ZNF814: variants seen among roughly 807,000 people sequenced by gnomAD.
The protein encoded by ZNF814 is zinc finger protein 814.
ZNF814 carries 5 observed loss-of-function variants against 7.5 expected under a neutral mutation model. The observed-to-expected ratio is 0.67, with a 90% confidence interval of 0.35 to 1.40. The LOEUF (loss-of-function observed/expected upper bound fraction) is 1.40. Ranked by LOEUF, ZNF814 falls within the 40% of genes most tolerant of loss-of-function variation. The probability of loss-of-function intolerance (pLI) is 0.04; values close to 1 mark genes in which losing one functional copy is unlikely to be tolerated. For missense variants in ZNF814, 962 were observed against 1,018.0 expected (o/e 0.94, Z 0.75); for synonymous variants, 315 against 340.7 (o/e 0.92, Z 0.83).
intron 1 of ZNF814, among the ~76,000 whole-genome samples, chr19:57,883,524 G>A (rs1372641620): frequency 6.6e-6 from 1 of 151,672 alleles, no homozygotes; most frequent in Non-Finnish European, 1.5e-5. Context: ...AGCCGGATGT[G>A]GTAGTGCACA....
chr19:57,878,080 C>T (rs59237326), intron 1 of ZNF814, among the ~76,000 whole-genome samples: 1 of 148,900 alleles, frequency 6.7e-6, no homozygotes, highest in Non-Finnish European at 1.5e-5. Context: ...GCAGGAGAAT[C>T]GCTTGAACCC....
chr19:57,901,244 T>C, the ZNF814 span, among the ~76,000 whole-genome samples: 1 of 152,118 alleles, frequency 6.6e-6, no homozygotes, highest in African/African-American at 2.4e-5. Flanking sequence ...ACTTAAAAAC[T>C]CAGTTACAAA....
chr19:57,892,406 A>G (rs1429555244), upstream of ZNF814, among the ~76,000 whole-genome samples: 3 of 152,208 alleles, frequency 2.0e-5, no homozygotes, highest in African/African-American at 7.2e-5. Context: ...GCTCCTCTCA[A>G]TAAAAGGCAA....
At chr19:57,898,735 G>C in the ZNF814 span, among the ~76,000 whole-genome samples, 10 of 152,204 alleles carry the variant, frequency 6.6e-5, no homozygotes, top group Admixed American at 2.6e-4. Flanking sequence ...AAGGTCAAGA[G>C]ATTGAGACTA....
chr19:57,872,115 C>A lies in ZNF814; in HGVS notation c.*707G>T, dbSNP rs777755371. On this transcript the variant is annotated 3_prime_UTR_variant, in exon 3 of 3. Coordinates refer to ENST00000435989, the MANE Select transcript of ZNF814 (RefSeq NM_001144989.2). The stretch of plus-strand genomic sequence containing the variant: ...AGTGACAACCTGTCTCAAAAAAAAT[C>A]TAGCAAGGTACCTGGGTATAGTGAA... Among the ~76,000 whole-genome samples the A allele has an allele frequency of 3.7e-4, 57 of 152,172 alleles. No homozygotes were observed. The highest frequency in any genetic ancestry group is 7.6e-4 in the Non-Finnish European group (52 of 68,028).
the ZNF814 span, among the ~76,000 whole-genome samples, chr19:57,898,246 A>G: frequency 1.3e-5 from 2 of 152,326 alleles, no homozygotes; most frequent in East Asian, 3.9e-4. Context: ...CTATTATTAC[A>G]GCTATTCCTG....
chr19:57,885,194 C>T (rs1247778452), intron 1 of ZNF814, among the ~76,000 whole-genome samples: 4 of 151,722 alleles, frequency 2.6e-5, no homozygotes, highest in South Asian at 2.1e-4. Flanking sequence ...TGGTGGCACA[C>T]GTGTTTAGTC....
upstream of ZNF814, among the ~76,000 whole-genome samples, chr19:57,893,953 G>T (rs2071745255): frequency 6.6e-6 from 1 of 151,370 alleles, no homozygotes; most frequent in Admixed American, 6.6e-5. Context: ...GCATGTTGGT[G>T]TGCACCTGTA....
intron 1 of ZNF814, among the ~76,000 whole-genome samples, chr19:57,888,496 C>G (rs879579203): frequency 2.6e-5 from 4 of 152,154 alleles, no homozygotes; most frequent in Admixed American, 2.6e-4. Flanking sequence ...AGGAGGAGCT[C>G]CGCCTCATAA....
chr19:57,876,357 AC>A (rs2071607535), intron 2 of ZNF814: 1 of 153,380 alleles, frequency 6.5e-6, no homozygotes, highest in Non-Finnish European at 1.4e-5. Flanking sequence ...GCCTCCCACC[AC>A]AATGATGACC....
rs765690649 is a variant in ZNF814, at chr19:57,888,924, G to A, written c.-122C>T. The A allele has an allele frequency of 6.4e-6, 7 of 1,098,036 alleles. No homozygotes were observed. Among genetic ancestry groups the A allele is most frequent in the Admixed American group, 4.3e-5 (2 of 46,888 alleles). 68.0% of individuals were successfully genotyped at this position (1,098,036 alleles called of 1,614,324 possible). A position where few individuals can be genotyped will look rare whatever the true frequency, so the allele number is the denominator to read the frequency against. On this transcript the variant is annotated 5_prime_UTR_variant, in exon 1 of 3. Transcript: ENST00000435989. Reference sequence around the variant, plus strand: ...CTGGGCGCCGTCACAGAGCTCCAGAGTAGCCTCTGTGCAGCGGAGGACAAC... The same window carrying A: ...CTGGGCGCCGTCACAGAGCTCCAGAATAGCCTCTGTGCAGCGGAGGACAAC...
At chr19:57,887,977 GT>G (rs2071707016) in intron 1 of ZNF814, among the ~76,000 whole-genome samples, 1 of 152,184 alleles carries the variant, frequency 6.6e-6, no homozygotes, top group East Asian at 1.9e-4. Flanking sequence ...CTTCTGAAGA[GT>G]TGTTGCATTT....
intron 1 of ZNF814, among the ~76,000 whole-genome samples, chr19:57,883,334 T>G (rs1380402501): frequency 7.3e-6 from 1 of 137,820 alleles, no homozygotes; most frequent in Non-Finnish European, 1.5e-5. Flanking sequence ...CACTCTAGCC[T>G]GGGCGACAGC....
At chr19:57,892,943 G>C (rs1201944871), upstream of ZNF814, among the ~76,000 whole-genome samples, 1 of 152,222 alleles carries the variant, frequency 6.6e-6, no homozygotes, top group Non-Finnish European at 1.5e-5. Flanking sequence ...TTTGAGCCTT[G>C]CCTGTTAGAT....
the ZNF814 span, among the ~76,000 whole-genome samples, chr19:57,895,787 C>T: frequency 6.6e-5 from 10 of 152,046 alleles, no homozygotes; most frequent in Non-Finnish European, 1.3e-4. Context: ...AAAGATGTTA[C>T]CAGAAAGGGC....
intron 1 of ZNF814, among the ~76,000 whole-genome samples, chr19:57,887,665 G>A (rs1041535353): frequency 1.3e-5 from 2 of 152,046 alleles, no homozygotes; most frequent in Non-Finnish European, 2.9e-5. Flanking sequence ...AGACATTAAG[G>A]ACTCCTTACC....
chr19:57,893,903 G>A (rs1279962116), upstream of ZNF814, among the ~76,000 whole-genome samples: 50 of 149,292 alleles, frequency 3.3e-4, 1 homozygote, highest in Non-Finnish European at 5.6e-4. Context: ...GTGGGTGGCA[G>A]AGAGAGACCC....
chr19:57,873,494 G>A lies in ZNF814; in HGVS notation c.1896C>T (p.Tyr632=). 1 of 1,613,370 alleles carries A rather than the reference G, an allele frequency of 6.2e-7. No homozygotes were observed. The highest frequency in any genetic ancestry group is 8.5e-7 in the Non-Finnish European group (1 of 1,179,830). Residue 632 remains tyrosine, a synonymous_variant, in exon 3 of 3, where the codon TAC becomes TAT. Coordinates refer to ENST00000435989, the MANE Select transcript of ZNF814 (RefSeq NM_001144989.2). ...HQRMHTGERP[Y]KCGDCGKSFN... is the part of the protein sequence containing the mutation. ...AAGATTTCCCACAGTCTCCACACTT[G>A]TAAGGTCTTTCTCCAGTGTGCATGC...
the ZNF814 span, chr19:57,901,762 C>T: frequency 2.5e-6 from 1 of 398,604 alleles, no homozygotes; most frequent in Non-Finnish European, 4.4e-6. Flanking sequence ...CTAATGGTGG[C>T]TATGATGGTG....
Sources: allele counts gnomAD v4.1 joint callset (sites outside exome capture counted in the v4.1 genomes callset), GRCh38; gene constraint gnomAD v4.1.1; transcripts MANE v1.5; gene names NCBI Gene and HGNC (gene_info 2026-07-23, HGNC 2026-07-21).